The following CFAP90 variants were observed in gnomAD, a reference collection of about 807,000 sequenced individuals.
CFAP90 encodes the protein cilia- and flagella-associated protein 90.
the CFAP90 span, among the ~76,000 whole-genome samples, chr5:7,840,612 C>T: frequency 1.3e-5 from 2 of 152,116 alleles, no homozygotes. Flanking sequence ...GAGACTGCAC[C>T]ACACTGCTGT....
the CFAP90 span, chr5:7,832,104 C>T: frequency 6.8e-7 from 1 of 1,461,928 alleles, no homozygotes; most frequent in Non-Finnish European, 9.3e-7. Flanking sequence ...ATCCATCAGC[C>T]TGGGTCCTGG....
the CFAP90 span, among the ~76,000 whole-genome samples, chr5:7,843,712 G>T: frequency 6.6e-6 from 1 of 152,070 alleles, no homozygotes; most frequent in Non-Finnish European, 1.5e-5. Flanking sequence ...GCTGAAACTC[G>T]AATTCAATCT....
the CFAP90 span, among the ~76,000 whole-genome samples, chr5:7,833,923 C>T: frequency 6.6e-6 from 1 of 152,186 alleles, no homozygotes; most frequent in Non-Finnish European, 1.5e-5. Flanking sequence ...AATAAACCTA[C>T]TGTGCGGCCA....
the CFAP90 span, among the ~76,000 whole-genome samples, chr5:7,841,204 A>G: frequency 1.3e-5 from 2 of 152,168 alleles, no homozygotes; most frequent in Non-Finnish European, 2.9e-5. Context: ...ATAGACACAC[A>G]TGTGGCCAAC....
the CFAP90 span, among the ~76,000 whole-genome samples, chr5:7,843,627 G>A: frequency 1.3e-5 from 2 of 152,150 alleles, no homozygotes; most frequent in East Asian, 1.9e-4. Flanking sequence ...CTCTTCCACT[G>A]ATACCAGCTC....
chr5:7,838,032 T>C, the CFAP90 span, among the ~76,000 whole-genome samples: 1 of 152,212 alleles, frequency 6.6e-6, no homozygotes, highest in Non-Finnish European at 1.5e-5. Flanking sequence ...CTGGCCTTCA[T>C]GTCTCCTGAT....
the CFAP90 span, among the ~76,000 whole-genome samples, chr5:7,833,211 A>G: frequency 6.6e-6 from 1 of 152,238 alleles, no homozygotes; most frequent in African/African-American, 2.4e-5. Flanking sequence ...AAAAAGATAG[A>G]GGAGAGCTGC....
chr5:7,831,985 C>G, the CFAP90 span: 10 of 1,613,378 alleles, frequency 6.2e-6, 1 homozygote, highest in African/African-American at 1.3e-4. Context: ...TGATGCGCTT[C>G]CCATAGACAG....
the CFAP90 span, among the ~76,000 whole-genome samples, chr5:7,843,182 C>T: frequency 6.6e-6 from 1 of 152,176 alleles, no homozygotes; most frequent in Admixed American, 6.5e-5. Flanking sequence ...ATCAGGGCCT[C>T]AATTTACTTC....
chr5:7,845,300 C>T, the CFAP90 span, among the ~76,000 whole-genome samples: 2 of 152,248 alleles, frequency 1.3e-5, no homozygotes, highest in East Asian at 3.9e-4. Context: ...ATTGCTAAAC[C>T]ATATCAACAT....
chr5:7,841,091 G>A, the CFAP90 span, among the ~76,000 whole-genome samples: 2 of 151,974 alleles, frequency 1.3e-5, no homozygotes, highest in Non-Finnish European at 2.9e-5. Context: ...TGCAACCAAT[G>A]TATCTGACAA....
the CFAP90 span, among the ~76,000 whole-genome samples, chr5:7,838,552 A>G: frequency 6.6e-6 from 1 of 152,208 alleles, no homozygotes; most frequent in Non-Finnish European, 1.5e-5. Flanking sequence ...ATTGCCACCC[A>G]GACCTTTCCT....
At chr5:7,840,359 C>T in the CFAP90 span, among the ~76,000 whole-genome samples, 14 of 152,166 alleles carry the variant, frequency 9.2e-5, no homozygotes, top group Non-Finnish European at 2.1e-4. Context: ...TTTTCAACCT[C>T]CACAGCACAT....
the CFAP90 span, among the ~76,000 whole-genome samples, chr5:7,842,542 C>G: frequency 6.6e-6 from 1 of 151,968 alleles, no homozygotes; most frequent in African/African-American, 2.4e-5. Flanking sequence ...AACCCTCTCT[C>G]CCCACTCACT....
At chr5:7,844,208 G>A in the CFAP90 span, among the ~76,000 whole-genome samples, 1 of 152,146 alleles carries the variant, frequency 6.6e-6, no homozygotes, top group Non-Finnish European at 1.5e-5. Context: ...CCAGGGGCAG[G>A]TCACTGGAGA....
chr5:7,832,207 G>A, the CFAP90 span, among the ~76,000 whole-genome samples: 3 of 152,178 alleles, frequency 2.0e-5, no homozygotes, highest in African/African-American at 4.8e-5. Flanking sequence ...CTATGGCAGG[G>A]AACCGTTGAA....
At chr5:7,830,587 G>T in the CFAP90 span, 1 of 152,100 alleles carries the variant, frequency 6.6e-6, no homozygotes, top group Non-Finnish European at 1.5e-5. Flanking sequence ...CACCTACACT[G>T]AAAAACTGTT....
At chr5:7,836,327 T>A in the CFAP90 span, among the ~76,000 whole-genome samples, 1 of 152,194 alleles carries the variant, frequency 6.6e-6, no homozygotes, top group African/African-American at 2.4e-5. Flanking sequence ...CATACTAGGA[T>A]AATGAAACTT....
chr5:7,834,308 A>T, the CFAP90 span, among the ~76,000 whole-genome samples: 1 of 152,180 alleles, frequency 6.6e-6, no homozygotes, highest in Non-Finnish European at 1.5e-5. Flanking sequence ...TTAAAAGCTT[A>T]AAAAAATTAA....
Sources: allele counts gnomAD v4.1 joint callset (sites outside exome capture counted in the v4.1 genomes callset), GRCh38; gene constraint gnomAD v4.1.1; transcripts MANE v1.5; gene names NCBI Gene and HGNC (gene_info 2026-07-23, HGNC 2026-07-21).